The following SLC8A1 variants were observed in gnomAD, a reference collection of about 807,000 sequenced individuals.
SLC8A1 encodes the protein solute carrier family 8 member A1, also known as sodium/calcium exchanger 1.
Under a neutral mutation model 68.3 loss-of-function variants are expected in SLC8A1, and 18 were observed. The observed-to-expected ratio is 0.26, with a 90% CI of 0.18 to 0.39. The LOEUF (loss-of-function observed/expected upper bound fraction) is 0.39. SLC8A1 is among the 10% of genes least tolerant of loss of function. The probability of loss-of-function intolerance (pLI) is 1.00; values close to 1 mark genes in which losing one functional copy is unlikely to be tolerated. For missense variants in SLC8A1, 985 were observed against 1,156.7 expected, an observed-to-expected ratio of 0.85 and a Z score of 2.15; for synonymous variants, 475 against 415.5, an observed-to-expected ratio of 1.14 and a Z score of -1.74.
At chr2:40,107,917 T>G (rs925697661) in exon 8 of SLC8A1, 1 of 152,222 alleles carries the variant, frequency 6.6e-6, no homozygotes, top group African/African-American at 2.4e-5. Flanking sequence ...ATGGAAACTT[T>G]TAGTCAAAAG....
At chr2:40,453,491 A>G (rs1409090170), upstream of SLC8A1, 1 of 152,204 alleles carries the variant, frequency 6.6e-6, no homozygotes, top group Non-Finnish European at 1.5e-5. Context: ...AGGGGGCGGA[A>G]TGGAAGAAAT....
intron 2 of SLC8A1, among the ~76,000 whole-genome samples, chr2:40,347,605 G>C (rs1453239857): frequency 6.6e-6 from 1 of 152,166 alleles, no homozygotes; most frequent in African/African-American, 2.4e-5. Flanking sequence ...GAAAATCCAT[G>C]ATTTACCTTT....
intron 2 of SLC8A1, among the ~76,000 whole-genome samples, chr2:40,271,848 GTTTATT>G (rs1377430665): frequency 1.3e-5 from 2 of 151,996 alleles, no homozygotes; most frequent in African/African-American, 4.8e-5. Flanking sequence ...GATGACCAAA[GTTTATT>G]TTTATTATTT....
In SLC8A1 at chr2:40,099,662, C is replaced by T. The variant is rs953467534; in HGVS notation, c.*15591G>A. Reference sequence around the variant, plus strand: ...GCCCTGTATAGGAAATTCATGATCACCTCTTAGGGAGACAAGGTTTCTGGC... The same window carrying T: ...GCCCTGTATAGGAAATTCATGATCATCTCTTAGGGAGACAAGGTTTCTGGC... On this transcript the variant is annotated 3_prime_UTR_variant, in exon 8 of 8. Transcript: ENST00000406785. The T allele has an allele frequency of 5.9e-5, 9 of 152,110 alleles. No homozygotes were observed. In the East Asian group the frequency reaches 1.7e-3, roughly 29 times the overall value. 9.4% of individuals were successfully genotyped at this position (152,110 alleles called of 1,614,324 possible).
chr2:40,140,097 C>G (rs148917200), intron 6 of SLC8A1, among the ~76,000 whole-genome samples: 1 of 152,270 alleles, frequency 6.6e-6, no homozygotes, highest in East Asian at 1.9e-4. Context: ...TTTCTTGCAA[C>G]TTGAAGTCCA....
chr2:40,244,155 A>C (rs185967747), intron 2 of SLC8A1, among the ~76,000 whole-genome samples: 74 of 152,258 alleles, frequency 4.9e-4, no homozygotes, highest in Middle Eastern at 3.4e-3. Flanking sequence ...CCTATGTAGA[A>C]ATTTTGAAGC....
At chr2:40,125,856 C>T (rs916910728) in intron 7 of SLC8A1, among the ~76,000 whole-genome samples, 5 of 152,288 alleles carry the variant, frequency 3.3e-5, no homozygotes, top group South Asian at 2.1e-4. Flanking sequence ...CTCCCAGGGA[C>T]GTAGGACAGT....
At chr2:40,485,660 A>ATTTT (rs1211437517) in intron 1 of SLC8A1, among the ~76,000 whole-genome samples, 38 of 152,306 alleles carry the variant, frequency 2.5e-4, no homozygotes, top group South Asian at 6.2e-4. Context: ...CTAAAAATGG[A>ATTTT]ATACTCTTAA....
At chr2:40,327,345 T>C (rs551563439) in intron 2 of SLC8A1, among the ~76,000 whole-genome samples, 1 of 152,322 alleles carries the variant, frequency 6.6e-6, no homozygotes, top group African/African-American at 2.4e-5. Context: ...AGTATGTTTG[T>C]GCATATGACA....
intron 2 of SLC8A1, among the ~76,000 whole-genome samples, chr2:40,346,691 C>G (rs900126656): frequency 1.3e-5 from 2 of 152,070 alleles, no homozygotes; most frequent in Non-Finnish European, 2.9e-5. Context: ...GTCTGAGTGC[C>G]AAACAGAGAA....
chr2:40,200,758 G>C (rs1469453878), intron 2 of SLC8A1, among the ~76,000 whole-genome samples: 1 of 151,690 alleles, frequency 6.6e-6, no homozygotes, highest in African/African-American at 2.4e-5. Flanking sequence ...CCAGAAGAAG[G>C]AATTTTTTTC....
At chr2:40,302,325 T>A (rs1297004554) in intron 2 of SLC8A1, among the ~76,000 whole-genome samples, 1 of 151,868 alleles carries the variant, frequency 6.6e-6, no homozygotes, top group Non-Finnish European at 1.5e-5. Context: ...GAACATATGA[T>A]CTTTGGTTTT....
At chr2:40,350,517 A>G (rs537317475) in intron 2 of SLC8A1, among the ~76,000 whole-genome samples, 7 of 148,616 alleles carry the variant, frequency 4.7e-5, no homozygotes, top group Non-Finnish European at 1.0e-4. Context: ...GCATTTATCA[A>G]ATTACAAATA....
chr2:40,462,926 T>C (rs1336915650), intron 1 of SLC8A1, among the ~76,000 whole-genome samples: 1 of 152,222 alleles, frequency 6.6e-6, no homozygotes. Flanking sequence ...ATAAAAATTA[T>C]TCGTTCATTC....
At chr2:40,103,033 C>T (rs987641385) in exon 8 of SLC8A1, 1 of 152,098 alleles carries the variant, frequency 6.6e-6, no homozygotes, top group Non-Finnish European at 1.5e-5. Flanking sequence ...GTTGCAATGT[C>T]AGTAATTTTT....
At chr2:40,408,349 A>C (rs917944494) in intron 2 of SLC8A1, among the ~76,000 whole-genome samples, 1 of 152,224 alleles carries the variant, frequency 6.6e-6, no homozygotes, top group Non-Finnish European at 1.5e-5. Context: ...TTGATAAATT[A>C]GCTTAGACTG....
chr2:40,406,374 T>C (rs1459867131), intron 2 of SLC8A1, among the ~76,000 whole-genome samples: 2 of 152,190 alleles, frequency 1.3e-5, no homozygotes, highest in Non-Finnish European at 2.9e-5. Flanking sequence ...CCCCAGGCCA[T>C]TTTAATAGTT....
intron 2 of SLC8A1, among the ~76,000 whole-genome samples, chr2:40,208,055 T>G (rs1317475978): frequency 6.6e-6 from 1 of 152,124 alleles, no homozygotes; most frequent in Admixed American, 6.6e-5. Context: ...AGATAACTGT[T>G]ACATACATGT....
At chr2:40,166,563 T>C (rs1362808832) in intron 4 of SLC8A1, among the ~76,000 whole-genome samples, 1 of 152,152 alleles carries the variant, frequency 6.6e-6, no homozygotes. Context: ...ATTTTAACTA[T>C]AAAAGTGGCA....
Sources: gnomAD v4.1 joint callset for allele counts (sites outside exome capture counted in the v4.1 genomes callset) on GRCh38, gnomAD v4.1.1 for gene constraint, MANE v1.5 for transcripts, NCBI Gene and HGNC (gene_info 2026-07-23, HGNC 2026-07-21) for gene names.